Variants in FRMD6 observed in about 807,000 individuals in gnomAD.
FRMD6 encodes FERM domain-containing protein 6.
A neutral mutation model predicts 73.2 loss-of-function variants in FRMD6; 37 were observed. That is an observed-to-expected ratio of 0.51 (90% CI 0.39 to 0.66). FRMD6 has a LOEUF of 0.66. Among genes scored for constraint, FRMD6 ranks in the 30% least tolerant of loss-of-function variants. The pLI, the probability that FRMD6 is intolerant of heterozygous loss-of-function variation, is 0.00. For synonymous variants in FRMD6, 273 were observed against 282.2 expected (o/e 0.97, Z 0.33); for missense variants, 714 against 780.5 (o/e 0.91, Z 1.02).
intron 9 of FRMD6, chr14:51,714,606 C>T (rs1897143894): frequency 6.6e-6 from 1 of 152,206 alleles, no homozygotes; most frequent in African/African-American, 2.4e-5. Context: ...AATGAGACTC[C>T]TTATATGTCT....
chr14:51,437,509 A>G, the FRMD6 span, among the ~76,000 whole-genome samples: 2,879 of 152,240 alleles, frequency 0.019, 90 homozygotes, highest in African/African-American at 0.065. Flanking sequence ...TCACCGTGTT[A>G]GCCAGGATGG....
chr14:51,664,636 A>G (rs896849618), intron 1 of FRMD6, among the ~76,000 whole-genome samples: 5 of 152,242 alleles, frequency 3.3e-5, no homozygotes, highest in African/African-American at 9.6e-5. Flanking sequence ...AATGCCGGAA[A>G]GGGCGAAGAC....
At chr14:51,626,571 T>C (rs1891125012) in intron 2 of FRMD6, among the ~76,000 whole-genome samples, 1 of 152,222 alleles carries the variant, frequency 6.6e-6, no homozygotes, top group East Asian at 1.9e-4. Flanking sequence ...CCAAATACAG[T>C]GCCTTCTATA....
chr14:51,702,373 G>A (rs10140556), intron 4 of FRMD6, 139 bp from the exon 5 acceptor site: 175,610 of 670,132 alleles, frequency 0.26, 24,686 homozygotes, highest in African/African-American at 0.4. Context: ...CCTACTACAA[G>A]CCCCTACTCA....
At chr14:51,410,230 G>A in the FRMD6 span, among the ~76,000 whole-genome samples, 1 of 152,138 alleles carries the variant, frequency 6.6e-6, no homozygotes, top group Non-Finnish European at 1.5e-5. Context: ...TGCTGATTCC[G>A]TGTCCCTGAC....
chr14:51,502,076 T>A (rs1883656723), intron 1 of FRMD6, among the ~76,000 whole-genome samples: 1 of 152,210 alleles, frequency 6.6e-6, no homozygotes, highest in Non-Finnish European at 1.5e-5. Flanking sequence ...AGGGTTGTTT[T>A]TTTCTTGTAA....
the FRMD6 span, among the ~76,000 whole-genome samples, chr14:51,437,342 G>A: frequency 1.0e-3 from 157 of 152,182 alleles, no homozygotes; most frequent in Middle Eastern, 3.4e-3. Context: ...TCGCTCTGTC[G>A]CCCAAGCTGG....
At chr14:51,475,872 G>A in the FRMD6 span, among the ~76,000 whole-genome samples, 1 of 152,140 alleles carries the variant, frequency 6.6e-6, no homozygotes, top group East Asian at 1.9e-4. Context: ...CACAGAGAAT[G>A]TCTACTAACG....
intron 1 of FRMD6, among the ~76,000 whole-genome samples, chr14:51,549,252 G>A (rs902364940): frequency 5.9e-5 from 9 of 152,228 alleles, no homozygotes; most frequent in East Asian, 3.9e-4. Context: ...GATGAAAAGC[G>A]TGGTAAACCC....
At chr14:51,589,920 T>C (rs1435735077) in intron 2 of FRMD6, among the ~76,000 whole-genome samples, 1 of 151,980 alleles carries the variant, frequency 6.6e-6, no homozygotes, top group East Asian at 1.9e-4. Flanking sequence ...ATACAAAAAT[T>C]AGTGGGGCGT....
intron 1 of FRMD6, among the ~76,000 whole-genome samples, chr14:51,513,480 G>T (rs996779261): frequency 2.6e-5 from 4 of 152,126 alleles, no homozygotes; most frequent in Non-Finnish European, 5.9e-5. Context: ...AGAAAACCCC[G>T]GGCCAGGCCT....
intron 1 of FRMD6, among the ~76,000 whole-genome samples, chr14:51,662,478 G>A (rs947124563): frequency 1.4e-4 from 22 of 152,120 alleles, no homozygotes; most frequent in Non-Finnish European, 2.1e-4. Context: ...AGAATAGAGA[G>A]CCCAGAAATA....
At chr14:51,473,075 C>G in the FRMD6 span, among the ~76,000 whole-genome samples, 2 of 152,142 alleles carry the variant, frequency 1.3e-5, no homozygotes, top group East Asian at 3.8e-4. Context: ...GTGCCCAGGC[C>G]AACAGGAAAA....
the FRMD6 span, among the ~76,000 whole-genome samples, chr14:51,446,901 C>G: frequency 6.6e-5 from 10 of 152,152 alleles, no homozygotes; most frequent in African/African-American, 2.4e-4. Flanking sequence ...TCCATCATGA[C>G]GACCTAGGCT....
the FRMD6 span, among the ~76,000 whole-genome samples, chr14:51,453,128 T>C: frequency 6.7e-6 from 1 of 149,652 alleles, no homozygotes; most frequent in African/African-American, 2.5e-5. Context: ...AACAAGCTTA[T>C]AAACTGACAG....
intron 1 of FRMD6, among the ~76,000 whole-genome samples, chr14:51,681,278 A>C (rs919026389): frequency 6.6e-6 from 1 of 152,236 alleles, no homozygotes; most frequent in Non-Finnish European, 1.5e-5. Context: ...CCATTTATTT[A>C]GATTTCAAGA....
the FRMD6 span, among the ~76,000 whole-genome samples, chr14:51,420,304 G>A: frequency 6.6e-6 from 1 of 152,160 alleles, no homozygotes; most frequent in African/African-American, 2.4e-5. Context: ...AAAAAATTTG[G>A]GCACTATAAC....
chr14:51,588,873 C>T (rs575992247), intron 2 of FRMD6, among the ~76,000 whole-genome samples: 16 of 152,334 alleles, frequency 1.1e-4, no homozygotes, highest in Admixed American at 3.3e-4. Context: ...AACAGTGTGG[C>T]TTGGTCACTG....
At chr14:51,635,113 T>C (rs540063621) in intron 2 of FRMD6, among the ~76,000 whole-genome samples, 323 of 152,284 alleles carry the variant, frequency 2.1e-3, no homozygotes, top group African/African-American at 7.3e-3. Flanking sequence ...CCTGGTACTG[T>C]GGTTCACACC....
Sources: gnomAD v4.1 joint callset for allele counts (sites outside exome capture counted in the v4.1 genomes callset) on GRCh38, gnomAD v4.1.1 for gene constraint, MANE v1.5 for transcripts, NCBI Gene and HGNC (gene_info 2026-07-23, HGNC 2026-07-21) for gene names.